SNX29: variants seen among roughly 807,000 people sequenced by gnomAD.
The protein encoded by SNX29 is sorting nexin 29.
In SNX29, 78 loss-of-function variants were observed where a neutral mutation model predicts 102.1. The ratio of observed to expected loss-of-function variants is 0.76; its 90% CI spans 0.64 to 0.92. The LOEUF is 0.92. SNX29 is among the 40% of genes least tolerant of loss of function. The pLI, the probability that SNX29 is intolerant of heterozygous loss-of-function variation, is 0.00. For synonymous variants in SNX29, 580 were observed against 414.5 expected (o/e 1.40, Z -4.85); for missense variants, 1,280 against 1,061.7 (o/e 1.21, Z -2.86).
chr16:12,375,454 C>G (rs2082837378), intron 16 of SNX29: 1 of 152,348 alleles, frequency 6.6e-6, no homozygotes, highest in South Asian at 2.1e-4. Context: ...AGCTGGTTCT[C>G]TCTCCAGGGT....
chr16:12,198,592 C>T (rs951805201), intron 13 of SNX29, among the ~76,000 whole-genome samples: 3 of 152,250 alleles, frequency 2.0e-5, no homozygotes, highest in Admixed American at 1.3e-4. Flanking sequence ...AAATAGAAAA[C>T]GTGTAAGAGG....
At chr16:12,491,931 G>A (rs1404901374) in intron 19 of SNX29, among the ~76,000 whole-genome samples, 1 of 152,170 alleles carries the variant, frequency 6.6e-6, no homozygotes, top group Admixed American at 6.5e-5. Flanking sequence ...GTCTATCGTT[G>A]TTGGACATTC....
Position 12,193,470 on chromosome 16 carries a change from CAA to C in SNX29, c.1596-6120_1596-6119del, listed in dbSNP as rs369951476. The stretch of plus-strand genomic sequence containing the variant: ...GGCAACAAGAGTGAAACTCCATCTT[CAA>C]AAAAAAAAAAGAAAAAGTCTTTCAC... On this transcript the variant is annotated intron_variant, in intron 13 of 20. Coordinates refer to ENST00000566228, the MANE Select transcript of SNX29 (RefSeq NM_032167.5). Among the ~76,000 whole-genome samples, 417 of 137,434 alleles carry C rather than the reference CAA, an allele frequency of 3.0e-3. 3 individuals are homozygous for C. The highest frequency in any genetic ancestry group is 0.01 in the African/African-American group (396 of 38,200). 90.2% of individuals were successfully genotyped at this position (137,434 alleles called of 152,430 possible). A position where few individuals can be genotyped will look rare whatever the true frequency, so the allele number is the denominator to read the frequency against.
chr16:12,390,893 A>G (rs1408165862), intron 16 of SNX29, among the ~76,000 whole-genome samples: 2 of 149,374 alleles, frequency 1.3e-5, no homozygotes, highest in East Asian at 3.8e-4. Context: ...AAAAAAAAAA[A>G]AAGAAAAGAA....
chr16:12,366,894 C>T (rs912818700), intron 16 of SNX29: 2 of 136,004 alleles, frequency 1.5e-5, no homozygotes, highest in East Asian at 4.8e-4. Flanking sequence ...GCCTGACTCT[C>T]TCTCTCTGTG....
chr16:12,500,817 G>A (rs942797479), intron 19 of SNX29, among the ~76,000 whole-genome samples: 1 of 152,196 alleles, frequency 6.6e-6, no homozygotes, highest in East Asian at 1.9e-4. Flanking sequence ...AAGCACTGTT[G>A]TGTGTCATTT....
intron 18 of SNX29, among the ~76,000 whole-genome samples, chr16:12,437,496 CATCTG>C (rs761464524): frequency 1.3e-5 from 2 of 152,224 alleles, no homozygotes; most frequent in Non-Finnish European, 2.9e-5. Flanking sequence ...GGACAGGTGA[CATCTG>C]AACTGAGTCT....
At chr16:12,533,359 C>T (rs1276727852) in intron 20 of SNX29, among the ~76,000 whole-genome samples, 1 of 152,180 alleles carries the variant, frequency 6.6e-6, no homozygotes, top group African/African-American at 2.4e-5. Context: ...AGCTTAGATG[C>T]TAAGAGGCTG....
intron 19 of SNX29, among the ~76,000 whole-genome samples, chr16:12,522,953 G>C (rs1461333422): frequency 6.6e-6 from 1 of 152,170 alleles, no homozygotes; most frequent in Non-Finnish European, 1.5e-5. Context: ...TGGGACTACA[G>C]GTGCACACCA....
intron 11 of SNX29, among the ~76,000 whole-genome samples, chr16:12,107,605 C>T (rs920854441): frequency 8.5e-5 from 13 of 152,108 alleles, no homozygotes; most frequent in Admixed American, 4.6e-4. Flanking sequence ...TCCTTCATTC[C>T]GGCCTGGGCA....
intron 16 of SNX29, among the ~76,000 whole-genome samples, chr16:12,357,413 A>C (rs542830365): frequency 6.6e-6 from 1 of 152,230 alleles, no homozygotes; most frequent in Non-Finnish European, 1.5e-5. Flanking sequence ...CAGTGTTCAA[A>C]TTTCCAATTG....
chr16:12,543,683 C>T (rs371433049), intron 20 of SNX29, among the ~76,000 whole-genome samples: 7 of 152,226 alleles, frequency 4.6e-5, no homozygotes, highest in African/African-American at 1.4e-4. Flanking sequence ...TTCAACAAGC[C>T]AGTCGTATCA....
At chr16:12,414,537 C>T (rs2084544360) in intron 18 of SNX29, among the ~76,000 whole-genome samples, 1 of 152,194 alleles carries the variant, frequency 6.6e-6, no homozygotes, top group African/African-American at 2.4e-5. Context: ...ACTTGCTAAG[C>T]TACTGATCTG....
intron 19 of SNX29, among the ~76,000 whole-genome samples, chr16:12,494,739 T>C (rs2151874199): frequency 6.6e-6 from 1 of 152,346 alleles, no homozygotes; most frequent in East Asian, 1.9e-4. Flanking sequence ...CTTTTTTGAG[T>C]TAACTGCCTG....
chr16:12,440,832 G>A (rs2085767867), intron 18 of SNX29, among the ~76,000 whole-genome samples: 1 of 152,156 alleles, frequency 6.6e-6, no homozygotes. Context: ...TCTTTAACCA[G>A]CGTATCATCG....
intron 16 of SNX29, among the ~76,000 whole-genome samples, chr16:12,379,083 C>T (rs1212492112): frequency 2.0e-5 from 3 of 152,226 alleles, no homozygotes; most frequent in Non-Finnish European, 2.9e-5. Context: ...GGGCAGCAGA[C>T]AGCCATACTC....
chr16:12,332,864 T>C (rs920415898), intron 15 of SNX29, among the ~76,000 whole-genome samples: 1 of 152,080 alleles, frequency 6.6e-6, no homozygotes, highest in Non-Finnish European at 1.5e-5. Flanking sequence ...CGTCACTCCA[T>C]GTGCCCTCGT....
At chr16:12,420,827 G>A (rs927894987) in intron 18 of SNX29, among the ~76,000 whole-genome samples, 4 of 152,134 alleles carry the variant, frequency 2.6e-5, no homozygotes, top group Non-Finnish European at 5.9e-5. Context: ...TGATAGTCTC[G>A]CCCACAAGGC....
chr16:12,559,150 G>A (rs1409542335), intron 20 of SNX29, among the ~76,000 whole-genome samples: 1 of 152,076 alleles, frequency 6.6e-6, no homozygotes, highest in East Asian at 1.9e-4. Flanking sequence ...CCCAACCCCT[G>A]GCCCAGTACC....
Sources: gnomAD v4.1 joint callset for allele counts (sites outside exome capture counted in the v4.1 genomes callset) on GRCh38, gnomAD v4.1.1 for gene constraint, MANE v1.5 for transcripts, NCBI Gene and HGNC (gene_info 2026-07-23, HGNC 2026-07-21) for gene names.